Variants in DDX42 observed in about 807,000 individuals in gnomAD.
DDX42 encodes DEAD-box helicase 42.
Under a neutral mutation model 101.5 loss-of-function variants are expected in DDX42, and 22 were observed. That is an observed-to-expected ratio of 0.22 (90% CI 0.15 to 0.31). The LOEUF is 0.31. DDX42 is among the 10% of genes least tolerant of loss of function. The probability of loss-of-function intolerance (pLI) is 1.00; values close to 1 mark genes in which losing one functional copy is unlikely to be tolerated. For synonymous variants in DDX42, 402 were observed against 401.2 expected, an observed-to-expected ratio of 1.00 and a Z score of -0.02; for missense variants, 849 against 1,199.9, an observed-to-expected ratio of 0.71 and a Z score of 4.32.
intron 6 of DDX42, among the ~76,000 whole-genome samples, chr17:63,804,414 C>CT (rs1175816043): frequency 6.6e-6 from 1 of 152,166 alleles, no homozygotes; most frequent in Non-Finnish European, 1.5e-5. Context: ...ATTGGAAATT[C>CT]TTGGCCATAC....
At chr17:63,816,305 C>T (rs1014944501) in intron 16 of DDX42, among the ~76,000 whole-genome samples, 2 of 152,148 alleles carry the variant, frequency 1.3e-5, no homozygotes, top group African/African-American at 4.8e-5. Context: ...TCTGTTCCCA[C>T]ATTATAATAA....
intron 15 of DDX42, among the ~76,000 whole-genome samples, chr17:63,813,823 G>A (rs766971772): frequency 1.3e-5 from 2 of 151,596 alleles, no homozygotes; most frequent in Non-Finnish European, 2.9e-5. Context: ...AAAACAATAT[G>A]TGTATAGTAT....
In DDX42 at chr17:63,805,243, A is replaced by T. The variant is rs2039824573; in HGVS notation, c.726+68A>T. ...TAGTCCAGATTTAGTATTATTGGTT[A>T]TCTAAACTAATAACCTTGAATTTCT... is the stretch of plus-strand genomic sequence containing the variant. On this transcript the variant is annotated intron_variant, in intron 7 of 17. Transcript: ENST00000389924. 2.0e-6 allele frequency: 3 copies of T among 1,535,074 alleles called. No individual in the cohort carries two copies. In the South Asian group the frequency reaches 3.6e-5, roughly 19 times the overall value.
rs16947114 is a variant in DDX42, at chr17:63,817,621, A to C, written c.2113-73A>C. 6.5e-3 allele frequency: 9,568 copies of C among 1,461,254 alleles called. 504 individuals are homozygous for C. In the African/African-American group the frequency reaches 0.12, roughly 18 times the overall value. The allele number at this position is 1,461,254 out of a possible 1,614,324, so 90.5% of individuals were successfully genotyped here. ...GCACAGAGTTTCTGTAAACCTCATCATTTGCCAAGTTGTATATTCAAGTTT... is the reference window on the plus strand; with the variant it reads ...GCACAGAGTTTCTGTAAACCTCATCCTTTGCCAAGTTGTATATTCAAGTTT... On this transcript the variant is annotated intron_variant, in intron 17 of 17. Transcript: ENST00000389924.
At chr17:63,806,820 C>A (rs1469448699) in intron 8 of DDX42, among the ~76,000 whole-genome samples, 166 bp downstream of exon 8, 1 of 152,108 alleles carries the variant, frequency 6.6e-6, no homozygotes, top group Non-Finnish European at 1.5e-5. Flanking sequence ...GACAAATATT[C>A]TTTTGTATCT....
rs572737055 is a variant in DDX42 at position 63,815,456 on chromosome 17, A to G, written c.1903-107A>G. ...TCCCTTAGCGTAGTGCTGGCTGAAA[A>G]TTAAGCAAAAGTTCCCCCTTCCCAC... On this transcript the variant is annotated intron_variant, in intron 15 of 17. Coordinates refer to ENST00000389924, the MANE Select transcript of DDX42 (RefSeq NM_203499.3). 1.4e-4 allele frequency: 105 copies of G among 765,444 alleles called. No homozygotes were observed. The African/African-American group carries it at 1.7e-3, about 12-fold the overall frequency. The allele number at this position is 765,444 out of a possible 1,614,324, so 47.4% of individuals were successfully genotyped here. A position where few individuals can be genotyped will look rare whatever the true frequency, so the allele number is the denominator to read the frequency against.
At chr17:63,791,873 CCT>C (rs1201338834) in intron 2 of DDX42, among the ~76,000 whole-genome samples, 1 of 151,800 alleles carries the variant, frequency 6.6e-6, no homozygotes, top group African/African-American at 2.4e-5. Flanking sequence ...TGGTGAAACC[CCT>C]GTCTCTACTA....
intron 2 of DDX42, among the ~76,000 whole-genome samples, chr17:63,788,719 G>A (rs1034303147): frequency 1.3e-5 from 2 of 152,108 alleles, no homozygotes; most frequent in Non-Finnish European, 1.5e-5. Context: ...ACCAATTACC[G>A]TTTTTAACTT....
chr17:63,817,519 G>A, intron 17 of DDX42, 175 bp from the exon 18 acceptor site: 1 of 620,230 alleles, frequency 1.6e-6, no homozygotes, highest in Non-Finnish European at 2.8e-6. Context: ...AGATCCACAA[G>A]TTTTCCTTTA....
Position 63,817,932 on chromosome 17 carries a change from C to T in DDX42, c.2351C>T (p.Ala784Val), listed in dbSNP as rs2039997268. ...GAPVTYPSAG[A>V]QGVNNTASGN... ...CCTGTGACCTACCCGTCTGCCGGAG[C>T]CCAAGGAGTCAACAACACAGCTTCA... Residue 784 changes from alanine to valine, a missense_variant, in exon 18 of 18, where the codon GCC (alanine) becomes GTC (valine). Transcript: ENST00000389924. 6 of 1,614,032 alleles carry T rather than the reference C, an allele frequency of 3.7e-6. No homozygotes were observed. The Admixed American group carries it at 5.0e-5, about 13-fold the overall frequency.
intron 11 of DDX42, 140 bp from the exon 12 acceptor site, chr17:63,810,373 G>A (rs2039895173): frequency 2.8e-6 from 2 of 727,232 alleles, no homozygotes; most frequent in Admixed American, 2.9e-5. Context: ...TTACAGGCAT[G>A]AGCCACTGTG....
At chr17:63,791,560 C>T (rs1249172248) in intron 2 of DDX42, among the ~76,000 whole-genome samples, 1 of 152,154 alleles carries the variant, frequency 6.6e-6, no homozygotes, top group Non-Finnish European at 1.5e-5. Flanking sequence ...ATGCACCTGT[C>T]TCGGCCTCCC....
chr17:63,800,241 A>G lies in DDX42; in HGVS notation c.472-227A>G, dbSNP rs533078792. On this transcript the variant is annotated intron_variant, in intron 5 of 17. Transcript: ENST00000389924. ...GAACAGACAGATTTGTAAGTCTTCT[A>G]TTAAACAAGTTGCAACATTTAATAG... The G allele has an allele frequency of 9.6e-4, 430 of 449,522 alleles. 2 individuals are homozygous for G. The highest frequency in any genetic ancestry group is 9.2e-3 in the Middle Eastern group (16 of 1,748). The allele number at this position is 449,522 out of a possible 1,614,324, so 27.8% of individuals were successfully genotyped here.
chr17:63,790,633 G>A (rs182343455), intron 2 of DDX42, among the ~76,000 whole-genome samples: 221 of 152,228 alleles, frequency 1.5e-3, no homozygotes, highest in South Asian at 3.3e-3. Context: ...TGGTGGCGGC[G>A]CATATAATCC....
chr17:63,801,998 G>A (rs1020838788), intron 6 of DDX42, among the ~76,000 whole-genome samples: 6 of 152,056 alleles, frequency 3.9e-5, no homozygotes, highest in Admixed American at 6.5e-5. Context: ...CCCCTTTCAG[G>A]GAGCCTACAG....
intron 17 of DDX42, chr17:63,817,201 T>C (rs1449559925): frequency 2.1e-6 from 1 of 486,336 alleles, no homozygotes; most frequent in Non-Finnish European, 3.7e-6. Flanking sequence ...CTGGGATTGT[T>C]GTCCTGCAGC....
In DDX42 at chr17:63,805,195, A is replaced by C; in HGVS notation, c.726+20A>C. 6.2e-7 allele frequency: 1 copy of C among 1,604,966 alleles called. No individual in the cohort carries two copies. Among genetic ancestry groups the C allele is most frequent in the South Asian group, 1.1e-5 (1 of 88,462 alleles). On this transcript the variant is annotated intron_variant, in intron 7 of 17. Coordinates refer to ENST00000389924, the MANE Select transcript of DDX42 (RefSeq NM_203499.3). ...CTTCGGGTAAGCATCATTAAGCTCAATATTCTTAATATTAATGTTAATTAG... is the reference window on the plus strand; with the variant it reads ...CTTCGGGTAAGCATCATTAAGCTCACTATTCTTAATATTAATGTTAATTAG...
At chr17:63,813,006 A>G (rs932613401) in intron 14 of DDX42, among the ~76,000 whole-genome samples, 1 of 152,172 alleles carries the variant, frequency 6.6e-6, no homozygotes, top group Non-Finnish European at 1.5e-5. Context: ...GTCTGGCAAC[A>G]GAGCAAGACT....
In DDX42 at chr17:63,802,649, G is replaced by A. The variant is rs139094574; in HGVS notation, c.621+2032G>A. Among the ~76,000 whole-genome samples, 1,133 of 152,236 alleles carry A rather than the reference G, an allele frequency of 7.4e-3. 12 individuals carry two copies. Among genetic ancestry groups the A allele is most frequent in the Middle Eastern group, 0.014 (4 of 294 alleles). The stretch of plus-strand genomic sequence containing the variant: ...ATTCAGGCTGGGTATGGTGGCTCAT[G>A]CCTGTAATCCCAGCACTTTGGGAGG... On this transcript the variant is annotated intron_variant, in intron 6 of 17. Transcript: ENST00000389924.
Sources: allele counts gnomAD v4.1 joint callset (sites outside exome capture counted in the v4.1 genomes callset), GRCh38; gene constraint gnomAD v4.1.1; transcripts MANE v1.5; gene names NCBI Gene and HGNC (gene_info 2026-07-23, HGNC 2026-07-21).